Variants in BMP7 observed in about 807,000 individuals in gnomAD.
The protein encoded by BMP7 is osteogenic protein 1.
A neutral mutation model predicts 41.2 loss-of-function variants in BMP7; 12 were observed. The ratio of observed to expected loss-of-function variants is 0.29; its 90% CI spans 0.19 to 0.47. BMP7 has a LOEUF of 0.47. Among genes scored for constraint, BMP7 ranks in the 20% least tolerant of loss-of-function variants. The probability of loss-of-function intolerance (pLI) is 0.99; values close to 1 mark genes in which losing one functional copy is unlikely to be tolerated. For synonymous variants in BMP7, 248 were observed against 250.0 expected (o/e 0.99, Z 0.07); for missense variants, 467 against 606.0 (o/e 0.77, Z 2.41).
At chr20:57,192,392 C>T (rs1298245223) in intron 3 of BMP7, among the ~76,000 whole-genome samples, 1 of 148,410 alleles carries the variant, frequency 6.7e-6, no homozygotes, top group South Asian at 2.1e-4. Context: ...TGCTCGTGTA[C>T]AGATGTAACA....
intron 2 of BMP7, among the ~76,000 whole-genome samples, chr20:57,206,013 C>A (rs928901096): frequency 6.6e-6 from 1 of 152,112 alleles, no homozygotes; most frequent in Non-Finnish European, 1.5e-5. Context: ...TGAGGTTGGA[C>A]CTCATGGAAA....
intron 1 of BMP7, among the ~76,000 whole-genome samples, chr20:57,242,513 A>G (rs2066073614): frequency 6.6e-6 from 1 of 152,144 alleles, no homozygotes; most frequent in African/African-American, 2.4e-5. Flanking sequence ...ATTAGACTGT[A>G]CCATGTAAAA....
In BMP7 at chr20:57,171,375, C is replaced by A. The variant is rs1339858921; in HGVS notation, c.1147-267G>T. Among the ~76,000 whole-genome samples the A allele has an allele frequency of 1.3e-5, 2 of 152,154 alleles. No homozygotes were observed. Among genetic ancestry groups the A allele is most frequent in the African/African-American group, 2.4e-5 (1 of 41,434 alleles). On this transcript the variant is annotated intron_variant, in intron 6 of 6. Coordinates refer to ENST00000395863, the MANE Select transcript of BMP7 (RefSeq NM_001719.3). This position sits in a 1 kb window ranked among gnomAD's most constrained non-coding sequence, Gnocchi z 4.5. Reference sequence around the variant, plus strand: ...AGGGGCCAGATCCGACATTCAGGACCAGGTAATTCTCTGTTGGGGAACTGC... The same window carrying A: ...AGGGGCCAGATCCGACATTCAGGACAAGGTAATTCTCTGTTGGGGAACTGC...
chr20:57,172,526 A>G (rs958502540), intron 6 of BMP7, among the ~76,000 whole-genome samples: 1 of 152,200 alleles, frequency 6.6e-6, no homozygotes, highest in Non-Finnish European at 1.5e-5. Context: ...GGCAGGGTGG[A>G]TGATCAGTAG....
At chr20:57,218,798 T>C (rs891267343) in intron 2 of BMP7, among the ~76,000 whole-genome samples, 5 of 144,654 alleles carry the variant, frequency 3.5e-5, no homozygotes, top group South Asian at 2.2e-4. Context: ...TGTTTGGTGG[T>C]GCTGGTGTTT....
At chr20:57,204,876 A>G (rs934686398) in intron 2 of BMP7, among the ~76,000 whole-genome samples, 1 of 152,332 alleles carries the variant, frequency 6.6e-6, no homozygotes, top group Admixed American at 6.5e-5. Context: ...CCCAAGACTC[A>G]TGTTGAAAAT....
intron 1 of BMP7, among the ~76,000 whole-genome samples, chr20:57,230,586 G>T (rs2066025367): frequency 6.6e-6 from 1 of 151,154 alleles, no homozygotes; most frequent in Non-Finnish European, 1.5e-5. Context: ...CCCAGGTCCT[G>T]CCCAAACCAG....
chr20:57,239,006 C>T (rs898790158), intron 1 of BMP7, among the ~76,000 whole-genome samples: 1 of 152,146 alleles, frequency 6.6e-6, no homozygotes, highest in African/African-American at 2.4e-5. Context: ...CATTTCACCC[C>T]TGGCCCCTCC....
intron 3 of BMP7, among the ~76,000 whole-genome samples, chr20:57,200,744 G>A (rs1253878750): frequency 1.3e-5 from 2 of 152,122 alleles, no homozygotes; most frequent in East Asian, 3.9e-4. Context: ...ATAGTGAATC[G>A]AGATCGTGCC....
At chr20:57,265,163 G>A (rs1396021833) in intron 1 of BMP7, among the ~76,000 whole-genome samples, 2 of 152,260 alleles carry the variant, frequency 1.3e-5, no homozygotes, top group South Asian at 2.1e-4. Flanking sequence ...GGGGCATCCG[G>A]CGGCCCGGAG....
chr20:57,214,005 C>T lies in BMP7; in HGVS notation c.612-11382G>A, dbSNP rs1002324751. ...ATCTTCCACCATGGGATTCAAGCTG[C>T]CTTGGCTCTAAAGTAAGATCACAGC... is the stretch of plus-strand genomic sequence containing the variant. On this transcript the variant is annotated intron_variant, in intron 2 of 6. Transcript: ENST00000395863. The surrounding 1 kb of genome is among the most constrained non-coding windows in gnomAD (Gnocchi z 4.0). Among the ~76,000 whole-genome samples, 6 of 152,182 alleles carry T rather than the reference C, an allele frequency of 3.9e-5. No individual in the cohort carries two copies. Among genetic ancestry groups the T allele is most frequent in the African/African-American group, 1.4e-4 (6 of 41,444 alleles).
intron 1 of BMP7, among the ~76,000 whole-genome samples, chr20:57,245,064 C>T (rs971192863): frequency 6.6e-6 from 1 of 152,094 alleles, no homozygotes; most frequent in African/African-American, 2.4e-5. Context: ...TCTTTAAAGC[C>T]ACACTCTGTC....
intron 4 of BMP7, among the ~76,000 whole-genome samples, chr20:57,181,702 C>G (rs753138869): frequency 1.3e-5 from 2 of 152,188 alleles, no homozygotes; most frequent in Non-Finnish European, 2.9e-5. Context: ...CCTTCCTTGC[C>G]TTGTGCAGCT....
chr20:57,172,952 T>C (rs1983843538), intron 6 of BMP7: 2 of 608,228 alleles, frequency 3.3e-6, no homozygotes, highest in East Asian at 5.5e-5. Flanking sequence ...CCCATACAAC[T>C]TTTAGTTACT....
intron 1 of BMP7, among the ~76,000 whole-genome samples, chr20:57,251,887 T>C (rs2066115346): frequency 6.6e-6 from 1 of 152,152 alleles, no homozygotes; most frequent in Non-Finnish European, 1.5e-5. Flanking sequence ...TGAGCCGGGA[T>C]CGCGCCACCG....
intron 6 of BMP7, among the ~76,000 whole-genome samples, chr20:57,172,670 A>C (rs1983838342): frequency 6.6e-6 from 1 of 152,156 alleles, no homozygotes; most frequent in African/African-American, 2.4e-5. Context: ...CAGGAATAAC[A>C]CCTACTGAGT....
intron 2 of BMP7, among the ~76,000 whole-genome samples, chr20:57,216,559 T>TCTCCTGTGGGCGAGGGGCTGC (rs1985032747): frequency 6.9e-6 from 1 of 145,518 alleles, no homozygotes; most frequent in Non-Finnish European, 1.5e-5. Flanking sequence ...CGAGGGGCTG[T>TCTCCTGTGGGCGAGGGGCTGC]CTCCTGAGGG....
intron 1 of BMP7, chr20:57,244,179 AT>A (rs2123132999): frequency 6.6e-6 from 1 of 152,380 alleles, no homozygotes; most frequent in Admixed American, 6.5e-5. Flanking sequence ...AAGGTGGGTG[AT>A]CTAGGGTGGG....
intron 3 of BMP7, among the ~76,000 whole-genome samples, chr20:57,196,435 G>A (rs1600617169): frequency 1.3e-5 from 2 of 152,318 alleles, no homozygotes; most frequent in East Asian, 3.9e-4. Context: ...TCTTCATTTT[G>A]TTCAAGGCTG....
Sources: allele counts gnomAD v4.1 joint callset (sites outside exome capture counted in the v4.1 genomes callset), GRCh38; gene constraint gnomAD v4.1.1; non-coding constraint Gnocchi (gnomAD v3.1); transcripts MANE v1.5; gene names NCBI Gene and HGNC (gene_info 2026-07-23, HGNC 2026-07-21).